Variants in CCDC6 observed in about 807,000 individuals in gnomAD.
CCDC6 encodes coiled-coil domain containing 6, also known as coiled-coil domain-containing protein 6.
A neutral mutation model predicts 56.6 loss-of-function variants in CCDC6; 20 were observed. The ratio of observed to expected loss-of-function variants is 0.35; its 90% CI spans 0.25 to 0.51. The LOEUF (loss-of-function observed/expected upper bound fraction) is 0.51. CCDC6 is among the 20% of genes least tolerant of loss of function. The pLI is 0.95. For missense variants in CCDC6, 367 were observed against 601.1 expected, an observed-to-expected ratio of 0.61 and a Z score of 4.07; for synonymous variants, 241 against 234.4, an observed-to-expected ratio of 1.03 and a Z score of -0.26.
At chr10:59,827,949 T>C (rs1163738938) in intron 3 of CCDC6, among the ~76,000 whole-genome samples, 1 of 152,206 alleles carries the variant, frequency 6.6e-6, no homozygotes, top group Non-Finnish European at 1.5e-5. Flanking sequence ...ACGTACCGTA[T>C]GCCACTGTTG....
intron 1 of CCDC6, among the ~76,000 whole-genome samples, chr10:59,875,549 G>A (rs1039384660): frequency 1.6e-4 from 24 of 152,160 alleles, no homozygotes; most frequent in Admixed American, 9.8e-4. Context: ...GGCACCTCAA[G>A]CACTAGCAGT....
At chr10:59,866,272 T>C (rs575652777) in intron 1 of CCDC6, among the ~76,000 whole-genome samples, 2 of 152,198 alleles carry the variant, frequency 1.3e-5, no homozygotes, top group Admixed American at 6.5e-5. Flanking sequence ...CTTGGAATGA[T>C]CTTGTCTTGG....
In CCDC6 at chr10:59,793,001, TGGCGGAGGTGGA is replaced by T. The variant is rs775005738; in HGVS notation, c.1329_1340del (p.Pro445_Pro448del). On this transcript the variant is annotated inframe_deletion, in exon 9 of 9. Coordinates refer to ENST00000263102, the MANE Select transcript of CCDC6 (RefSeq NM_005436.5). Reference sequence around the variant, plus strand: ...CTGAGGGGACCGTGGGCTGCATGGGTGGCGGAGGTGGAGGCGGAGGTGGCTGGACTGGGGTCT... The same window carrying T: ...CTGAGGGGACCGTGGGCTGCATGGGTGGCGGAGGTGGCTGGACTGGGGTCT... 3.1e-6 allele frequency: 5 copies of T among 1,612,640 alleles called. No homozygotes were observed. Among genetic ancestry groups the T allele is most frequent in the Middle Eastern group, 1.7e-4 (1 of 6,060 alleles).
rs1026579430 is a variant in CCDC6 at position 59,816,555 on chromosome 10, CTAGATA to C, written c.583-1806_583-1801del. ...TAGTTAGAAAATGTTGAGAAAATTA[CTAGATA>C]TAATTTTACCATTTGCAAAGTAAGG... On this transcript the variant is annotated intron_variant, in intron 3 of 8. Transcript: ENST00000263102. Among the ~76,000 whole-genome samples, 4 of 152,298 alleles carry C rather than the reference CTAGATA, an allele frequency of 2.6e-5. No homozygotes were observed. In the East Asian group the frequency reaches 7.7e-4, roughly 29 times the overall value.
intron 4 of CCDC6, among the ~76,000 whole-genome samples, chr10:59,813,866 T>C (rs1472497642): frequency 6.6e-6 from 1 of 152,198 alleles, no homozygotes; most frequent in Non-Finnish European, 1.5e-5. Context: ...AATGTAGACA[T>C]GAACTCAAAA....
At chr10:59,826,578 C>T (rs2070789311) in intron 3 of CCDC6, among the ~76,000 whole-genome samples, 1 of 152,172 alleles carries the variant, frequency 6.6e-6, no homozygotes, top group African/African-American at 2.4e-5. Context: ...AGGGACCTCC[C>T]ATCATCTTTC....
intron 3 of CCDC6, among the ~76,000 whole-genome samples, chr10:59,815,250 C>A (rs1395480241): frequency 6.6e-6 from 1 of 152,066 alleles, no homozygotes; most frequent in Non-Finnish European, 1.5e-5. Context: ...AAAACACGCA[C>A]AAAATATGAT....
intron 2 of CCDC6, among the ~76,000 whole-genome samples, chr10:59,834,538 G>A (rs1365851513): frequency 6.6e-6 from 1 of 151,252 alleles, no homozygotes; most frequent in Non-Finnish European, 1.5e-5. Flanking sequence ...ACTCCAGCCT[G>A]GGCAACAGAG....
At position 59,793,127 on chromosome 10, in the gene CCDC6, G is replaced by A. The variant is rs769939491; in HGVS notation, c.1231-16C>T. The A allele has an allele frequency of 3.7e-6, 6 of 1,611,268 alleles. No homozygotes were observed. In the South Asian group the frequency reaches 4.4e-5, roughly 12 times the overall value. On this transcript the variant is annotated splice_polypyrimidine_tract_variant and intron_variant, in intron 8 of 8. Coordinates refer to ENST00000263102, the MANE Select transcript of CCDC6 (RefSeq NM_005436.5). ...GTGAAGGCCTCTGCAGAGGGGACAG[G>A]AACAGCAAGTCAGTCTAGGTACAGG...
At chr10:59,891,978 AACT>A (rs1392517999) in intron 1 of CCDC6, among the ~76,000 whole-genome samples, 4 of 152,202 alleles carry the variant, frequency 2.6e-5, no homozygotes, top group Non-Finnish European at 5.9e-5. Context: ...TGGCAGAGAA[AACT>A]ACTGCCTCCC....
intron 2 of CCDC6, among the ~76,000 whole-genome samples, chr10:59,845,596 A>G (rs2070985016): frequency 6.6e-6 from 1 of 152,180 alleles, no homozygotes; most frequent in African/African-American, 2.4e-5. Flanking sequence ...ATTAAAAACA[A>G]CTCAGTAGCT....
At chr10:59,902,773 A>G (rs1259208393) in intron 1 of CCDC6, among the ~76,000 whole-genome samples, 2 of 152,164 alleles carry the variant, frequency 1.3e-5, no homozygotes, top group African/African-American at 4.8e-5. Context: ...CAGTTTGGCA[A>G]TTTCTTATAA....
At chr10:59,879,874 A>G (rs2071318298) in intron 1 of CCDC6, among the ~76,000 whole-genome samples, 1 of 152,190 alleles carries the variant, frequency 6.6e-6, no homozygotes, top group Non-Finnish European at 1.5e-5. Context: ...AAGCTTGTTC[A>G]ATATGTGCCT....
Position 59,906,506 on chromosome 10 carries a change from G to T in CCDC6, c.-82C>A, listed in dbSNP as rs564299443. On this transcript the variant is annotated 5_prime_UTR_variant, in exon 1 of 9. Coordinates refer to ENST00000263102, the MANE Select transcript of CCDC6 (RefSeq NM_005436.5). ...GCCGGGCTGCGAATGAGTGGGCGCCGGGCGAGCACAGGGGAGCGCCGAGCT... is the reference window on the plus strand; with the variant it reads ...GCCGGGCTGCGAATGAGTGGGCGCCTGGCGAGCACAGGGGAGCGCCGAGCT... 2.3e-4 allele frequency: 290 copies of T among 1,253,792 alleles called. 1 individual carries two copies. Among genetic ancestry groups the T allele is most frequent in the South Asian group, 9.2e-4 (56 of 60,586 alleles). 77.7% of individuals were successfully genotyped at this position (1,253,792 alleles called of 1,614,324 possible).
In CCDC6 at chr10:59,792,776, A is replaced by C. The variant is rs1404443356; in HGVS notation, c.*141T>G. On this transcript the variant is annotated 3_prime_UTR_variant, in exon 9 of 9. Coordinates refer to ENST00000263102, the MANE Select transcript of CCDC6 (RefSeq NM_005436.5). ...CTGGCTGCATTTCTGACAAACATTT[A>C]CAACACAATGGATAGTGAAGCCTAG... 1 of 913,076 alleles carries C rather than the reference A, an allele frequency of 1.1e-6. No homozygotes were observed. The highest frequency in any genetic ancestry group is 1.8e-6 in the Non-Finnish European group (1 of 549,430). 56.6% of individuals were successfully genotyped at this position (913,076 alleles called of 1,614,324 possible). A position where few individuals can be genotyped will look rare whatever the true frequency, so the allele number is the denominator to read the frequency against.
intron 7 of CCDC6, among the ~76,000 whole-genome samples, chr10:59,798,416 C>T (rs1198863467): frequency 6.6e-6 from 1 of 152,164 alleles, no homozygotes; most frequent in Non-Finnish European, 1.5e-5. Flanking sequence ...GCATCTAATA[C>T]TAAAAGTTTA....
chr10:59,882,024 C>CAGGGGGAGAAGGAAA (rs1491423168), intron 1 of CCDC6, among the ~76,000 whole-genome samples: 2 of 48,254 alleles, frequency 4.1e-5, no homozygotes, highest in Non-Finnish European at 7.4e-5. Context: ...AAAGGAAAGC[C>CAGGGGGAGAAGGAAA]GCGGGGAGAA....
chr10:59,819,566 A>G (rs2070735575), intron 3 of CCDC6, among the ~76,000 whole-genome samples: 1 of 152,194 alleles, frequency 6.6e-6, no homozygotes, highest in African/African-American at 2.4e-5. Flanking sequence ...CAGATTTTCA[A>G]TGCTTACACT....
rs143903021 is a variant in CCDC6 at position 59,831,948 on chromosome 10, G to T, written c.582+577C>A. On this transcript the variant is annotated intron_variant, in intron 3 of 8. Transcript: ENST00000263102. ...GCCATTTCTGGTTTTAGTCTGTCCT[G>T]CTCTGTTTACAAATGGAGAACCTGA... is the stretch of plus-strand genomic sequence containing the variant. Among the ~76,000 whole-genome samples the T allele has an allele frequency of 1.5e-4, 23 of 152,290 alleles. No homozygotes were observed. The East Asian group carries it at 4.2e-3, about 28-fold the overall frequency.
Sources: allele counts gnomAD v4.1 joint callset (sites outside exome capture counted in the v4.1 genomes callset), GRCh38; gene constraint gnomAD v4.1.1; transcripts MANE v1.5; gene names NCBI Gene and HGNC (gene_info 2026-07-23, HGNC 2026-07-21).